SSBP3: variants seen among roughly 807,000 people sequenced by gnomAD.
The protein encoded by SSBP3 is single stranded DNA binding protein 3.
SSBP3 carries 5 observed loss-of-function variants against 69.6 expected under a neutral mutation model. The observed-to-expected ratio is 0.07, with a 90% CI of 0.04 to 0.15. SSBP3 has a LOEUF of 0.15. Among genes scored for constraint, SSBP3 ranks in the 10% least tolerant of loss-of-function variants. The probability of loss-of-function intolerance (pLI) is 1.00; values close to 1 mark genes in which losing one functional copy is unlikely to be tolerated. For synonymous variants in SSBP3, 196 were observed against 193.4 expected, an observed-to-expected ratio of 1.01 and a Z score of -0.11; for missense variants, 312 against 534.0, an observed-to-expected ratio of 0.58 and a Z score of 4.10.
chr1:54,281,491 T>C (rs1454869282), exon 5 of SSBP3: 2 of 1,571,118 alleles, frequency 1.3e-6, no homozygotes, highest in East Asian at 2.4e-5. Flanking sequence ...TTGGGGGGAA[T>C]GTTGCCAAGC....
chr1:54,336,544 G>T (rs967335013), intron 4 of SSBP3, among the ~76,000 whole-genome samples: 16 of 152,208 alleles, frequency 1.1e-4, no homozygotes, highest in African/African-American at 3.9e-4. Flanking sequence ...CCAAGCAGAT[G>T]CCCCCAGGCC....
rs71580002 is a variant in SSBP3 at position 54,235,448 on chromosome 1, ATTTTTTTTTTT to A, written c.927+3670_927+3680del. On this transcript the variant is annotated intron_variant, in intron 14 of 17. Transcript: ENST00000610401. Reference sequence around the variant, plus strand: ...AGGCGTGTACCACCATGCCCGGCTGATTTTTTTTTTTTTTTTTTTTTTTTTGAGATGGAGTC... The same window carrying A: ...AGGCGTGTACCACCATGCCCGGCTGATTTTTTTTTTTTTTGAGATGGAGTC... Among the ~76,000 whole-genome samples the A allele has an allele frequency of 5.7e-5, 4 of 69,910 alleles. No homozygotes were observed. The East Asian group carries it at 1.2e-3, about 22-fold the overall frequency. The allele number at this position is 69,910 out of a possible 152,430, so 45.9% of individuals were successfully genotyped here.
At chr1:54,313,938 A>G (rs1646051719) in intron 4 of SSBP3, among the ~76,000 whole-genome samples, 1 of 151,760 alleles carries the variant, frequency 6.6e-6, no homozygotes, top group Non-Finnish European at 1.5e-5. Flanking sequence ...TAATTTTTGT[A>G]TTTTTAGTAG....
chr1:54,276,696 G>A (rs771135998), intron 5 of SSBP3, among the ~76,000 whole-genome samples: 52 of 150,814 alleles, frequency 3.4e-4, no homozygotes, highest in Non-Finnish European at 7.1e-4. Flanking sequence ...CGAAGCCACT[G>A]GAACAACTGC....
chr1:54,401,733 G>A, intron 4 of SSBP3, 128 bp downstream of exon 4: 2 of 710,664 alleles, frequency 2.8e-6, no homozygotes, highest in Non-Finnish European at 4.8e-6. Context: ...AGGTGGGCAG[G>A]GGAACAGAAA....
At chr1:54,235,532 T>C (rs1644475886) in intron 14 of SSBP3, among the ~76,000 whole-genome samples, 1 of 143,680 alleles carries the variant, frequency 7.0e-6, no homozygotes, top group South Asian at 2.3e-4. Flanking sequence ...CTCAGCTCAC[T>C]GCAACCTCCG....
At chr1:54,242,422 A>G (rs1329359529) in intron 10 of SSBP3, among the ~76,000 whole-genome samples, 1 of 152,230 alleles carries the variant, frequency 6.6e-6, no homozygotes, top group East Asian at 1.9e-4. Context: ...TAAACTTTAC[A>G]AAGTATATAA....
At chr1:54,260,463 G>A (rs1298816180) in intron 5 of SSBP3, among the ~76,000 whole-genome samples, 1 of 152,236 alleles carries the variant, frequency 6.6e-6, no homozygotes, top group Non-Finnish European at 1.5e-5. Context: ...AGCACCCAAG[G>A]GCGTGTGGCG....
chr1:54,331,171 A>AGGT (rs1646403681), intron 4 of SSBP3, among the ~76,000 whole-genome samples: 1 of 152,194 alleles, frequency 6.6e-6, no homozygotes, highest in Non-Finnish European at 1.5e-5. Flanking sequence ...ATATAGAAAG[A>AGGT]AGCACAGGTA....
chr1:54,290,366 C>A (rs545548308), intron 4 of SSBP3, among the ~76,000 whole-genome samples: 1 of 152,184 alleles, frequency 6.6e-6, no homozygotes, highest in Non-Finnish European at 1.5e-5. Flanking sequence ...CAGCAACCGG[C>A]GGCCCAGAGC....
At chr1:54,330,296 T>G (rs1382126224) in intron 4 of SSBP3, among the ~76,000 whole-genome samples, 1 of 152,204 alleles carries the variant, frequency 6.6e-6, no homozygotes, top group East Asian at 1.9e-4. Context: ...ACATGAGGAC[T>G]GCTGGTGACC....
intron 4 of SSBP3, among the ~76,000 whole-genome samples, chr1:54,304,250 A>T (rs1645856887): frequency 6.6e-6 from 1 of 152,222 alleles, no homozygotes; most frequent in African/African-American, 2.4e-5. Context: ...TGGCAATGTG[A>T]ACAGGCGGCG....
At chr1:54,377,754 T>C (rs1196485477) in intron 4 of SSBP3, among the ~76,000 whole-genome samples, 5 of 152,170 alleles carry the variant, frequency 3.3e-5, no homozygotes, top group African/African-American at 1.2e-4. Context: ...TGGTGATACG[T>C]CCTAGAAAGG....
chr1:54,409,431 A>G (rs184123759), upstream of SSBP3, among the ~76,000 whole-genome samples: 1 of 152,160 alleles, frequency 6.6e-6, no homozygotes, highest in Non-Finnish European at 1.5e-5. Context: ...TTATCTGTGT[A>G]TCTCCAGCAC....
At chr1:54,259,149 T>C (rs1474168924) in intron 5 of SSBP3, among the ~76,000 whole-genome samples, 1 of 151,586 alleles carries the variant, frequency 6.6e-6, no homozygotes, top group Non-Finnish European at 1.5e-5. Context: ...CCCTGGGCTA[T>C]GCTGACCTCG....
chr1:54,303,889 T>C (rs1217260920), intron 4 of SSBP3, among the ~76,000 whole-genome samples: 1 of 152,220 alleles, frequency 6.6e-6, no homozygotes, highest in Non-Finnish European at 1.5e-5. Flanking sequence ...TTTCGCCTAT[T>C]TCTTTTTACT....
intron 4 of SSBP3, among the ~76,000 whole-genome samples, chr1:54,379,900 C>T (rs1476892487): frequency 6.6e-6 from 1 of 152,220 alleles, no homozygotes; most frequent in African/African-American, 2.4e-5. Flanking sequence ...CGTTCTAAAA[C>T]ACGAGGCTTT....
At chr1:54,357,650 C>T in intron 4 of SSBP3, among the ~76,000 whole-genome samples, 1 of 152,220 alleles carries the variant, frequency 6.6e-6, no homozygotes, top group African/African-American at 2.4e-5. Flanking sequence ...ACCTGTAGTC[C>T]CAGCTATTCA....
intron 4 of SSBP3, among the ~76,000 whole-genome samples, chr1:54,309,417 G>A (rs547761875): frequency 1.1e-4 from 17 of 152,320 alleles, no homozygotes; most frequent in African/African-American, 3.1e-4. Context: ...AGACAACATC[G>A]GCATCCCTTC....
Sources: allele counts gnomAD v4.1 joint callset (sites outside exome capture counted in the v4.1 genomes callset), GRCh38; gene constraint gnomAD v4.1.1; transcripts MANE v1.5; gene names NCBI Gene and HGNC (gene_info 2026-07-23, HGNC 2026-07-21).